LRMDA: variants seen among roughly 807,000 people sequenced by gnomAD.
LRMDA encodes the protein leucine rich melanocyte differentiation associated, also known as leucine-rich melanocyte differentiation-associated protein.
In LRMDA, 18 loss-of-function variants were observed where a neutral mutation model predicts 29.8. That is an observed-to-expected ratio of 0.60 (90% CI 0.42 to 0.90). The LOEUF is 0.90. Among genes scored for constraint, LRMDA ranks in the 40% least tolerant of loss-of-function variants. LRMDA has a pLI of 0.00. For missense variants in LRMDA, 273 were observed against 273.9 expected, an observed-to-expected ratio of 1.00 and a Z score of 0.02; for synonymous variants, 125 against 109.4, an observed-to-expected ratio of 1.14 and a Z score of -0.89.
chr10:75,539,908 T>C lies in LRMDA; in HGVS notation c.131+101414T>C, dbSNP rs11816886. ...GTCAGAGTCTTTTGGGTTTTAATTT[T>C]CTTTATAGCATTAATTCAGAGATAT... is the stretch of plus-strand genomic sequence containing the variant. On this transcript the variant is annotated intron_variant, in intron 2 of 6. Coordinates refer to ENST00000611255, the MANE Select transcript of LRMDA (RefSeq NM_001305581.2). Among the ~76,000 whole-genome samples the C allele has an allele frequency of 1.7e-3, 262 of 152,328 alleles. 1 individual carries two copies. The highest frequency in any genetic ancestry group is 6.0e-3 in the African/African-American group (251 of 41,582).
chr10:76,507,395 G>T (rs971861837), intron 6 of LRMDA, among the ~76,000 whole-genome samples: 2 of 151,512 alleles, frequency 1.3e-5, no homozygotes, highest in Non-Finnish European at 2.9e-5. Context: ...TATTTTGTAG[G>T]TTATGCATTC....
At chr10:76,098,579 T>G (rs1277966564) in intron 5 of LRMDA, among the ~76,000 whole-genome samples, 1 of 152,226 alleles carries the variant, frequency 6.6e-6, no homozygotes, top group Admixed American at 6.5e-5. Flanking sequence ...TTCTTCTTTT[T>G]TTTCATATTA....
Position 76,248,066 on chromosome 10 carries a change from C to A in LRMDA, c.517-76335C>A, listed in dbSNP as rs141704001. On this transcript the variant is annotated intron_variant, in intron 5 of 6. Transcript: ENST00000611255. ...TCTTCATTGGAAAACGTGTGGCCTG[C>A]AGAGATTCAGTGGAATGATCTTACC... Among the ~76,000 whole-genome samples, 33 of 152,230 alleles carry A rather than the reference C, an allele frequency of 2.2e-4. No homozygotes were observed. In the East Asian group the frequency reaches 5.8e-3, roughly 27 times the overall value.
chr10:75,670,883 C>T (rs1164027455), intron 2 of LRMDA, among the ~76,000 whole-genome samples: 1 of 152,126 alleles, frequency 6.6e-6, no homozygotes, highest in Non-Finnish European at 1.5e-5. Context: ...GCTTCTTTTG[C>T]TCCTCTGCCA....
At chr10:76,400,193 G>A (rs931181805) in intron 6 of LRMDA, among the ~76,000 whole-genome samples, 28 of 152,210 alleles carry the variant, frequency 1.8e-4, no homozygotes, top group Non-Finnish European at 3.1e-4. Context: ...CTGGCCAACA[G>A]CCAGTAAGGA....
At chr10:75,939,040 C>T (rs929555374) in intron 2 of LRMDA, among the ~76,000 whole-genome samples, 3 of 152,166 alleles carry the variant, frequency 2.0e-5, no homozygotes, top group South Asian at 2.1e-4. Flanking sequence ...CCAGGGTGGC[C>T]GCAAACGATG....
chr10:75,513,188 G>A (rs915396610), intron 2 of LRMDA, among the ~76,000 whole-genome samples: 1 of 152,164 alleles, frequency 6.6e-6, no homozygotes, highest in Non-Finnish European at 1.5e-5. Flanking sequence ...TGTGATTGAA[G>A]GAGTTTTTTC....
At chr10:75,442,479 C>G (rs1412146756) in intron 2 of LRMDA, among the ~76,000 whole-genome samples, 1 of 152,136 alleles carries the variant, frequency 6.6e-6, no homozygotes, top group Non-Finnish European at 1.5e-5. Flanking sequence ...ATATGGATAT[C>G]CAGTTTTTCT....
chr10:76,284,407 C>T (rs1230770062), intron 5 of LRMDA, among the ~76,000 whole-genome samples: 1 of 152,066 alleles, frequency 6.6e-6, no homozygotes, highest in African/African-American at 2.4e-5. Context: ...CCACTAGGAG[C>T]TGGGAAAGGC....
intron 2 of LRMDA, among the ~76,000 whole-genome samples, chr10:75,624,715 A>G (rs527308113): frequency 2.5e-4 from 38 of 152,324 alleles, no homozygotes; most frequent in African/African-American, 8.4e-4. Flanking sequence ...AAACAAAAAA[A>G]CCATTAAGCA....
chr10:75,465,640 C>G (rs1299002084), intron 2 of LRMDA, among the ~76,000 whole-genome samples: 1 of 152,180 alleles, frequency 6.6e-6, no homozygotes, highest in Non-Finnish European at 1.5e-5. Context: ...ATTTGTAGAC[C>G]TGTTGAACAT....
At chr10:75,689,450 T>C (rs1842119033) in intron 2 of LRMDA, among the ~76,000 whole-genome samples, 1 of 152,332 alleles carries the variant, frequency 6.6e-6, no homozygotes, top group Admixed American at 6.5e-5. Flanking sequence ...GGGCCTGCTA[T>C]TGAATCTACA....
At chr10:75,951,816 G>A (rs1846579759) in intron 2 of LRMDA, among the ~76,000 whole-genome samples, 1 of 152,110 alleles carries the variant, frequency 6.6e-6, no homozygotes, top group Admixed American at 6.6e-5. Context: ...GCTTAAGAAG[G>A]CTGACCTCTG....
chr10:76,281,729 A>C (rs1409778415), intron 5 of LRMDA, among the ~76,000 whole-genome samples: 2 of 152,114 alleles, frequency 1.3e-5, no homozygotes, highest in Non-Finnish European at 2.9e-5. Flanking sequence ...TACCTGACAG[A>C]CCCCTAAATC....
chr10:75,841,641 T>C (rs112619680), intron 2 of LRMDA, among the ~76,000 whole-genome samples: 3,286 of 152,308 alleles, frequency 0.022, 104 homozygotes, highest in African/African-American at 0.07. Flanking sequence ...GTGATGACAG[T>C]TCAGCTGCTT....
chr10:76,475,018 A>G (rs1282783479), intron 6 of LRMDA, among the ~76,000 whole-genome samples: 2 of 151,846 alleles, frequency 1.3e-5, no homozygotes, highest in African/African-American at 4.8e-5. Context: ...ACAGTAGAAT[A>G]TTTGGCAATT....
In LRMDA at chr10:76,170,305, T is replaced by A. The variant is rs78971817; in HGVS notation, c.516+111522T>A. ...TAGAGATGCCTTTGCCAAATGGGCA[T>A]GTCTTTAAGATATAACCATAGGTAT... On this transcript the variant is annotated intron_variant, in intron 5 of 6. Transcript: ENST00000611255. Among the ~76,000 whole-genome samples, 1,505 of 152,338 alleles carry A rather than the reference T, an allele frequency of 9.9e-3. 12 individuals are homozygous for A. The highest frequency in any genetic ancestry group is 0.013 in the Non-Finnish European group (907 of 68,030).
chr10:76,319,590 C>T (rs1840744014), intron 5 of LRMDA, among the ~76,000 whole-genome samples: 1 of 152,128 alleles, frequency 6.6e-6, no homozygotes, highest in Admixed American at 6.5e-5. Context: ...GTATTCTTAG[C>T]ACAGGGCCTG....
At chr10:75,571,222 CAT>C (rs1369038165) in intron 2 of LRMDA, among the ~76,000 whole-genome samples, 6 of 152,138 alleles carry the variant, frequency 3.9e-5, no homozygotes, top group Admixed American at 2.0e-4. Flanking sequence ...GGTCAATTAA[CAT>C]GTGTGTGGCT....
Sources: gnomAD v4.1 joint callset for allele counts (sites outside exome capture counted in the v4.1 genomes callset) on GRCh38, gnomAD v4.1.1 for gene constraint, MANE v1.5 for transcripts, NCBI Gene and HGNC (gene_info 2026-07-23, HGNC 2026-07-21) for gene names.